Variants in SASH1 observed in about 807,000 individuals in gnomAD.
SASH1 encodes SAM and SH3 domain containing 1, also known as SAM and SH3 domain-containing protein 1.
In SASH1, 44 loss-of-function variants were observed where a neutral mutation model predicts 125.2. The ratio of observed to expected loss-of-function variants is 0.35; its 90% CI spans 0.28 to 0.45. SASH1 has a LOEUF of 0.45. Among genes scored for constraint, SASH1 ranks in the 20% least tolerant of loss-of-function variants. The pLI is 1.00. For missense variants in SASH1, 1,426 were observed against 1,614.5 expected (o/e 0.88, Z 2.00); for synonymous variants, 639 against 649.1 (o/e 0.98, Z 0.24).
chr6:148,289,283 G>A (rs1220708635), intron 1 of SASH1, among the ~76,000 whole-genome samples: 1 of 151,874 alleles, frequency 6.6e-6, no homozygotes, highest in Non-Finnish European at 1.5e-5. Flanking sequence ...AAAGAGAAGG[G>A]AGGGATGGCC....
At chr6:148,392,849 G>A (rs1007190860) in intron 2 of SASH1, among the ~76,000 whole-genome samples, 69 of 152,134 alleles carry the variant, frequency 4.5e-4, no homozygotes, top group African/African-American at 1.6e-3. Context: ...TCCTTGACAT[G>A]TGTGAATGCT....
intron 1 of SASH1, among the ~76,000 whole-genome samples, chr6:148,333,123 T>C (rs961314535): frequency 3.9e-5 from 6 of 152,140 alleles, no homozygotes; most frequent in Non-Finnish European, 7.4e-5. Flanking sequence ...GCAGGGGCTT[T>C]CAAATTTGAG....
rs73597349 is a variant in SASH1 at position 148,313,309 on chromosome 6, T to C, written n.74+40932T>C. On this transcript the variant is annotated intron_variant and non_coding_transcript_variant, in intron 1 of 3. Coordinates refer to the SASH1 transcript ENST00000367469. Reference sequence around the variant, plus strand: ...GAGAAAATTCATTAAGTGCAAATCCTCTTGGCTGCACTTTTCCTTCATGTT... The same window carrying C: ...GAGAAAATTCATTAAGTGCAAATCCCCTTGGCTGCACTTTTCCTTCATGTT... Among the ~76,000 whole-genome samples, 547 of 152,284 alleles carry C rather than the reference T, an allele frequency of 3.6e-3. 2 individuals are homozygous for C. Among genetic ancestry groups the C allele is most frequent in the African/African-American group, 0.013 (522 of 41,562 alleles).
chr6:148,278,419 T>G (rs926834595), intron 1 of SASH1, among the ~76,000 whole-genome samples: 20 of 152,166 alleles, frequency 1.3e-4, no homozygotes, highest in African/African-American at 4.8e-4. Context: ...ACATCTTACC[T>G]AAAAACTCAT....
intron 1 of SASH1, among the ~76,000 whole-genome samples, chr6:148,375,615 A>C (rs1782861711): frequency 6.6e-6 from 1 of 152,208 alleles, no homozygotes; most frequent in African/African-American, 2.4e-5. Flanking sequence ...TGTAGTTAGG[A>C]AATAACTTTT....
chr6:148,295,962 G>C (rs1325920678), intron 1 of SASH1, among the ~76,000 whole-genome samples: 4 of 152,062 alleles, frequency 2.6e-5, no homozygotes, highest in Non-Finnish European at 5.9e-5. Context: ...ACAAAGTTTC[G>C]TATTATTCTA....
chr6:148,485,314 T>C (rs1415405724), intron 7 of SASH1, among the ~76,000 whole-genome samples: 1 of 152,170 alleles, frequency 6.6e-6, no homozygotes, highest in Non-Finnish European at 1.5e-5. Context: ...TCCTAGTGTA[T>C]AACATAATGT....
chr6:148,277,652 T>G (rs529418137), intron 1 of SASH1, among the ~76,000 whole-genome samples: 6 of 152,276 alleles, frequency 3.9e-5, no homozygotes, highest in South Asian at 2.1e-4. Context: ...ATAAAGACAA[T>G]TGTGCTTTAT....
chr6:148,272,202 G>A (rs1031501130), upstream of SASH1: 5 of 281,118 alleles, frequency 1.8e-5, no homozygotes, highest in Admixed American at 7.4e-5. Flanking sequence ...TTGTTTTAAA[G>A]TTGATAATCC....
intron 1 of SASH1, among the ~76,000 whole-genome samples, chr6:148,360,213 A>AT (rs894701490): frequency 2.4e-4 from 35 of 144,080 alleles, no homozygotes; most frequent in South Asian, 4.4e-4. Context: ...GACGTCCTTC[A>AT]TTTTTTTTTT....
chr6:148,400,377 C>T (rs1399412061), intron 2 of SASH1, among the ~76,000 whole-genome samples: 1 of 152,246 alleles, frequency 6.6e-6, no homozygotes, highest in Non-Finnish European at 1.5e-5. Context: ...TGACATTGTC[C>T]TCCTGACGCA....
rs760974944 is a variant in SASH1, at chr6:148,548,256, A to G, written c.3481-39A>G. 2.3e-5 allele frequency: 36 copies of G among 1,570,152 alleles called. No homozygotes were observed. The South Asian group carries it at 3.7e-4, about 16-fold the overall frequency. ...TACGCGAAGTAGTCCTCGATGACAC[A>G]TGGAGCGTTTCTATCATATTCTTTC... On this transcript the variant is annotated intron_variant, in intron 19 of 19. Coordinates refer to ENST00000367467, the MANE Select transcript of SASH1 (RefSeq NM_015278.5).
At chr6:148,357,598 C>T (rs1781995501) in intron 1 of SASH1, among the ~76,000 whole-genome samples, 2 of 152,138 alleles carry the variant, frequency 1.3e-5, no homozygotes, top group Admixed American at 6.6e-5. Flanking sequence ...ATTTGCAGGT[C>T]CATCAATTCC....
the SASH1 span, among the ~76,000 whole-genome samples, chr6:148,211,720 GCCC>G: frequency 1.3e-5 from 2 of 152,258 alleles, no homozygotes; most frequent in African/African-American, 4.8e-5. Flanking sequence ...TAGAAATGAA[GCCC>G]CTGTGTGTCT....
intron 1 of SASH1, among the ~76,000 whole-genome samples, chr6:148,363,392 T>C (rs888544280): frequency 5.3e-4 from 81 of 152,016 alleles, no homozygotes; most frequent in African/African-American, 1.9e-3. Flanking sequence ...TGCGCCTGCC[T>C]GGGCCTCCCA....
intron 2 of SASH1, among the ~76,000 whole-genome samples, chr6:148,437,486 G>A (rs986534967): frequency 4.6e-5 from 7 of 152,186 alleles, no homozygotes; most frequent in African/African-American, 1.7e-4. Context: ...CAAACGTCCT[G>A]CATGAAAACA....
intron 1 of SASH1, among the ~76,000 whole-genome samples, chr6:148,279,698 T>C (rs979399974): frequency 6.6e-6 from 1 of 152,094 alleles, no homozygotes; most frequent in African/African-American, 2.4e-5. Flanking sequence ...CATCATCATT[T>C]TAAAAAATAT....
In SASH1 at chr6:148,531,516, C is replaced by T. The variant is rs375483087; in HGVS notation, c.1429-10C>T. ...GATGAACTTCTTCATTTTGTTGAAA[C>T]CCATGGCAGGACTCGGGCCTTGATG... On this transcript the variant is annotated splice_polypyrimidine_tract_variant and intron_variant, in intron 12 of 19. Coordinates refer to ENST00000367467, the MANE Select transcript of SASH1 (RefSeq NM_015278.5). 5.3e-6 allele frequency: 8 copies of T among 1,496,446 alleles called. No individual in the cohort carries two copies. In the African/African-American group the frequency reaches 1.0e-4, roughly 19 times the overall value. The allele number at this position is 1,496,446 out of a possible 1,614,324, so 92.7% of individuals were successfully genotyped here. A position where few individuals can be genotyped will look rare whatever the true frequency, so the allele number is the denominator to read the frequency against.
intron 2 of SASH1, among the ~76,000 whole-genome samples, chr6:148,429,648 C>T (rs1201354474): frequency 2.6e-5 from 4 of 151,728 alleles, no homozygotes; most frequent in Non-Finnish European, 4.4e-5. Context: ...GAGCCTCAGG[C>T]GGGAGGATCA....
Sources: gnomAD v4.1 joint callset for allele counts (sites outside exome capture counted in the v4.1 genomes callset) on GRCh38, gnomAD v4.1.1 for gene constraint, MANE v1.5 for transcripts, NCBI Gene and HGNC (gene_info 2026-07-23, HGNC 2026-07-21) for gene names.